The following DLGAP2 variants were observed in gnomAD, a reference collection of about 807,000 sequenced individuals.
DLGAP2 encodes disks large-associated protein 2.
Under a neutral mutation model 100.3 loss-of-function variants are expected in DLGAP2, and 26 were observed. The observed-to-expected ratio is 0.26, with a 90% CI of 0.19 to 0.36. The LOEUF (loss-of-function observed/expected upper bound fraction) is 0.36. Among genes scored for constraint, DLGAP2 ranks in the 10% least tolerant of loss-of-function variants. The pLI is 1.00. For missense variants in DLGAP2, 1,858 were observed against 1,453.2 expected, an observed-to-expected ratio of 1.28 and a Z score of -4.53; for synonymous variants, 886 against 630.1, an observed-to-expected ratio of 1.41 and a Z score of -6.08.
intron 3 of DLGAP2, among the ~76,000 whole-genome samples, chr8:1,353,374 C>G (rs911309539): frequency 2.0e-5 from 3 of 152,160 alleles, no homozygotes; most frequent in African/African-American, 7.2e-5. Flanking sequence ...ACTTCGAGTT[C>G]CGCACAACCC....
intron 2 of DLGAP2, among the ~76,000 whole-genome samples, chr8:1,204,171 G>T (rs1797941999): frequency 6.6e-6 from 1 of 152,224 alleles, no homozygotes; most frequent in African/African-American, 2.4e-5. Context: ...TGAGTAGTGA[G>T]GGGGTAAGTC....
intron 2 of DLGAP2, among the ~76,000 whole-genome samples, chr8:1,177,706 A>T (rs1797290201): frequency 6.6e-6 from 1 of 152,138 alleles, no homozygotes; most frequent in East Asian, 1.9e-4. Context: ...TAGAGGCTGG[A>T]AGTCTGAGAT....
chr8:1,510,968 T>C (rs750909231), intron 4 of DLGAP2, among the ~76,000 whole-genome samples: 20 of 152,256 alleles, frequency 1.3e-4, no homozygotes, highest in Non-Finnish European at 2.1e-4. Context: ...CCTTTGCTAA[T>C]GAGTTAGGCT....
chr8:959,191 G>C (rs1432231275), intron 2 of DLGAP2, among the ~76,000 whole-genome samples: 1 of 152,150 alleles, frequency 6.6e-6, no homozygotes, highest in Non-Finnish European at 1.5e-5. Context: ...TTGCTTATAC[G>C]TCTCCAAAAG....
chr8:1,637,058 C>T (rs1327860975), intron 8 of DLGAP2, among the ~76,000 whole-genome samples: 1 of 152,166 alleles, frequency 6.6e-6, no homozygotes, highest in Non-Finnish European at 1.5e-5. Context: ...CCCGTCTGGC[C>T]GCCGGCTGGC....
chr8:1,445,888 C>G (rs953273858), intron 3 of DLGAP2, among the ~76,000 whole-genome samples: 60 of 152,170 alleles, frequency 3.9e-4, no homozygotes, highest in Non-Finnish European at 7.3e-5. Context: ...TAAATGTCTT[C>G]TTTTGAGAAG....
At chr8:1,248,244 G>C (rs186291657) in intron 2 of DLGAP2, among the ~76,000 whole-genome samples, 10 of 24,160 alleles carry the variant, frequency 4.1e-4, no homozygotes, top group Admixed American at 1.0e-3. Context: ...AGACCTTTGA[G>C]ATCAGTGTGG....
chr8:1,443,104 G>A (rs1228002135), intron 3 of DLGAP2, among the ~76,000 whole-genome samples: 4 of 152,138 alleles, frequency 2.6e-5, no homozygotes, highest in African/African-American at 9.7e-5. Flanking sequence ...TACATGGAAA[G>A]TATGTAGTTA....
intron 3 of DLGAP2, among the ~76,000 whole-genome samples, chr8:1,282,773 A>C (rs1455924190): frequency 3.6e-4 from 24 of 67,594 alleles, no homozygotes; most frequent in Admixed American, 8.8e-4. Context: ...CCTGAACCAT[A>C]CGGACATGGT....
At chr8:1,582,749 C>T (rs1346993194) in intron 6 of DLGAP2, among the ~76,000 whole-genome samples, 3 of 152,092 alleles carry the variant, frequency 2.0e-5, no homozygotes, top group Non-Finnish European at 4.4e-5. Context: ...ACCACCACAC[C>T]CGACTAATTT....
intron 6 of DLGAP2, among the ~76,000 whole-genome samples, chr8:1,590,687 A>G (rs959553579): frequency 6.6e-6 from 1 of 152,222 alleles, no homozygotes; most frequent in African/African-American, 2.4e-5. Context: ...TTGTAGTTCT[A>G]AGAAATTGGT....
At chr8:973,505 C>T (rs1800076266) in intron 2 of DLGAP2, among the ~76,000 whole-genome samples, 2 of 152,136 alleles carry the variant, frequency 1.3e-5, no homozygotes, top group African/African-American at 2.4e-5. Context: ...CACCCCACAT[C>T]TCAGACGATG....
At chr8:1,135,888 G>A (rs552251062) in intron 2 of DLGAP2, among the ~76,000 whole-genome samples, 38 of 152,286 alleles carry the variant, frequency 2.5e-4, no homozygotes, top group African/African-American at 6.0e-4. Flanking sequence ...AAGGTTGCCC[G>A]TCGTGTAATC....
At position 1,188,996 on chromosome 8, in the gene DLGAP2, G is replaced by A. The variant is rs140606379; in HGVS notation, c.74-69855G>A. 1.8e-4 allele frequency among the ~76,000 whole-genome samples: 22 copies of A among 122,666 alleles called. 3 individuals carry two copies. Among genetic ancestry groups the A allele is most frequent in the African/African-American group, 9.0e-4 (15 of 16,648 alleles). 80.5% of individuals were successfully genotyped at this position (122,666 alleles called of 152,430 possible). ...GGTTCGGGCCCCAGGCCGGTTCCGCGGTTGGGGTTGACCTTACACAGGGTT... is the reference window on the plus strand; with the variant it reads ...GGTTCGGGCCCCAGGCCGGTTCCGCAGTTGGGGTTGACCTTACACAGGGTT... On this transcript the variant is annotated intron_variant, in intron 2 of 14. Transcript: ENST00000637795.
intron 1 of DLGAP2, among the ~76,000 whole-genome samples, chr8:781,977 TA>T (rs975207095): frequency 5.3e-5 from 8 of 152,052 alleles, no homozygotes; most frequent in Non-Finnish European, 8.8e-5. Context: ...AATGTACAGT[TA>T]AAAGGAAAGA....
chr8:795,730 G>A (rs34010605), intron 1 of DLGAP2, among the ~76,000 whole-genome samples: 15 of 147,438 alleles, frequency 1.0e-4, no homozygotes, highest in African/African-American at 3.0e-4. Flanking sequence ...TCCAGTGAGA[G>A]CAGGCGTCCA....
At chr8:1,065,895 G>A (rs952629951) in intron 2 of DLGAP2, among the ~76,000 whole-genome samples, 2 of 152,166 alleles carry the variant, frequency 1.3e-5, no homozygotes, top group South Asian at 2.1e-4. Flanking sequence ...TCATTCTCCC[G>A]CGTGGTCTGT....
intron 2 of DLGAP2, among the ~76,000 whole-genome samples, chr8:1,059,488 A>T (rs1802987358): frequency 6.6e-6 from 1 of 152,120 alleles, no homozygotes; most frequent in Non-Finnish European, 1.5e-5. Context: ...TCGGGCTGCA[A>T]GAGGATTGAA....
chr8:1,365,557 G>T (rs1563107808), intron 3 of DLGAP2, among the ~76,000 whole-genome samples: 1 of 152,180 alleles, frequency 6.6e-6, no homozygotes, highest in Admixed American at 6.5e-5. Flanking sequence ...CGGGAAGTTT[G>T]CTCGCCGAGA....
Sources: gnomAD v4.1 joint callset for allele counts (sites outside exome capture counted in the v4.1 genomes callset) on GRCh38, gnomAD v4.1.1 for gene constraint, MANE v1.5 for transcripts, NCBI Gene and HGNC (gene_info 2026-07-23, HGNC 2026-07-21) for gene names.